Variants in DCDC1 observed in about 807,000 individuals in gnomAD.
The protein encoded by DCDC1 is doublecortin domain containing 1.
In DCDC1, 200 loss-of-function variants were observed where a neutral mutation model predicts 178.3. The observed-to-expected ratio is 1.12, with a 90% CI of 1.00 to 1.26. The LOEUF (loss-of-function observed/expected upper bound fraction) is 1.26. Ranked by LOEUF, DCDC1 falls within the 50% of genes most tolerant of loss-of-function variation. The probability of loss-of-function intolerance (pLI) is 0.00; values close to 1 mark genes in which losing one functional copy is unlikely to be tolerated. For synonymous variants in DCDC1, 690 were observed against 604.8 expected (o/e 1.14, Z -2.07); for missense variants, 1,983 against 1,749.2 (o/e 1.13, Z -2.38).
intron 5 of DCDC1, 72 bp from the exon 6 acceptor site, chr11:31,305,849 G>A: frequency 1.3e-6 from 2 of 1,516,414 alleles, no homozygotes; most frequent in South Asian, 1.3e-5. Context: ...CAAAACAAAA[G>A]GTTCTAATGA....
intron 8 of DCDC1, among the ~76,000 whole-genome samples, chr11:31,252,545 T>C (rs1367697435): frequency 6.6e-6 from 1 of 151,880 alleles, no homozygotes; most frequent in Non-Finnish European, 1.5e-5. Context: ...AAAGAGAGGG[T>C]AGGGCTGTTT....
At chr11:31,215,860 CTT>C (rs1275643538) in intron 9 of DCDC1, among the ~76,000 whole-genome samples, 1 of 151,492 alleles carries the variant, frequency 6.6e-6, no homozygotes, top group Non-Finnish European at 1.5e-5. Context: ...AAAAGAAGCT[CTT>C]GAGTGGCCTT....
intron 9 of DCDC1, among the ~76,000 whole-genome samples, chr11:31,189,109 C>T (rs1006758081): frequency 1.3e-5 from 2 of 152,068 alleles, no homozygotes; most frequent in Non-Finnish European, 2.9e-5. Flanking sequence ...AATAAATTTT[C>T]GTTGTTTATA....
chr11:31,146,741 G>A (rs992277263), intron 9 of DCDC1, among the ~76,000 whole-genome samples: 15 of 152,082 alleles, frequency 9.9e-5, no homozygotes, highest in African/African-American at 1.9e-4. Context: ...TCCTTCTAAC[G>A]TCCGGCTGAA....
intron 20 of DCDC1, among the ~76,000 whole-genome samples, chr11:31,012,039 G>A (rs1434669921): frequency 6.6e-6 from 1 of 152,064 alleles, no homozygotes; most frequent in African/African-American, 2.4e-5. Context: ...GTTTAAAAGT[G>A]TGTAGCACCT....
intron 34 of DCDC1, among the ~76,000 whole-genome samples, chr11:30,895,027 G>A (rs996081076): frequency 1.3e-5 from 2 of 152,120 alleles, no homozygotes; most frequent in African/African-American, 4.8e-5. Flanking sequence ...CTTACCACTA[G>A]ACCACTTAAA....
intron 1 of DCDC1, among the ~76,000 whole-genome samples, chr11:31,360,515 T>C (rs1951652511): frequency 6.6e-6 from 1 of 152,158 alleles, no homozygotes; most frequent in South Asian, 2.1e-4. Context: ...TTAGCCACAG[T>C]AAGAGATTAA....
chr11:31,110,622 G>T (rs1165580225), intron 11 of DCDC1, among the ~76,000 whole-genome samples: 1 of 151,808 alleles, frequency 6.6e-6, no homozygotes, highest in Non-Finnish European at 1.5e-5. Flanking sequence ...AATTTGACTG[G>T]CATACCCTAC....
chr11:31,036,310 GTTC>G (rs1228620451), intron 20 of DCDC1, among the ~76,000 whole-genome samples: 1 of 152,076 alleles, frequency 6.6e-6, no homozygotes, highest in Non-Finnish European at 1.5e-5. Context: ...TTCTGTGCAT[GTTC>G]TTAAATTTAT....
chr11:31,004,119 GT>G (rs981251190), intron 20 of DCDC1, among the ~76,000 whole-genome samples: 3 of 151,966 alleles, frequency 2.0e-5, no homozygotes, highest in Admixed American at 1.3e-4. Context: ...GAATAAAAAT[GT>G]TTTTTCCCAA....
chr11:31,146,952 G>A (rs1009869219), intron 9 of DCDC1, among the ~76,000 whole-genome samples: 3 of 152,154 alleles, frequency 2.0e-5, no homozygotes, highest in Non-Finnish European at 4.4e-5. Flanking sequence ...CCATCGTGTC[G>A]AGGTGGCTGT....
At chr11:30,867,503 C>T (rs530424365) in intron 38 of DCDC1, among the ~76,000 whole-genome samples, 2 of 152,274 alleles carry the variant, frequency 1.3e-5, no homozygotes, top group Admixed American at 6.5e-5. Flanking sequence ...AATGTTAGTG[C>T]CCTTCTCTTC....
At chr11:31,362,100 C>T (rs1341189401) in intron 1 of DCDC1, among the ~76,000 whole-genome samples, 1 of 152,028 alleles carries the variant, frequency 6.6e-6, no homozygotes, top group Non-Finnish European at 1.5e-5. Flanking sequence ...TTTCTCTATA[C>T]TGAAATTTCT....
At chr11:31,142,860 C>T (rs1027709659) in intron 9 of DCDC1, among the ~76,000 whole-genome samples, 1 of 151,846 alleles carries the variant, frequency 6.6e-6, no homozygotes, top group African/African-American at 2.4e-5. Context: ...CTTTTAGCCT[C>T]TAAAATTTTT....
chr11:31,158,426 C>T (rs1965966162), intron 9 of DCDC1, among the ~76,000 whole-genome samples: 1 of 152,012 alleles, frequency 6.6e-6, no homozygotes, highest in Admixed American at 6.6e-5. Context: ...CAAGCCAATA[C>T]ATTGTTTTTG....
chr11:31,224,078 T>C (rs1043119823), intron 9 of DCDC1, among the ~76,000 whole-genome samples: 6 of 152,074 alleles, frequency 3.9e-5, no homozygotes, highest in Non-Finnish European at 7.4e-5. Context: ...TCATTGTCTC[T>C]TGCTGCCACC....
At chr11:31,028,411 C>T (rs1236469464) in intron 20 of DCDC1, among the ~76,000 whole-genome samples, 1 of 151,918 alleles carries the variant, frequency 6.6e-6, no homozygotes, top group Non-Finnish European at 1.5e-5. Context: ...TACAGTTCTT[C>T]TCACTATGCA....
chr11:31,164,292 G>GA lies in DCDC1; in HGVS notation c.1222-26509dup, dbSNP rs1323115113. 4.6e-5 allele frequency among the ~76,000 whole-genome samples: 7 copies of GA among 151,994 alleles called. No individual in the cohort carries two copies. In the South Asian group the frequency reaches 1.0e-3, roughly 23 times the overall value. ...AGTGACACTGTAGCAAATCTATGAT[G>GA]AAAAAAAAGAAACGAACCAAGCAAA... is the stretch of plus-strand genomic sequence containing the variant. On this transcript the variant is annotated intron_variant, in intron 9 of 38. Coordinates refer to ENST00000684477, the MANE Select transcript of DCDC1 (RefSeq NM_001387274.1).
At chr11:30,913,909 T>C (rs1486443755) in intron 27 of DCDC1, among the ~76,000 whole-genome samples, 2 of 152,210 alleles carry the variant, frequency 1.3e-5, no homozygotes, top group Non-Finnish European at 2.9e-5. Flanking sequence ...CATGCTCAAA[T>C]TGCAATTTAG....
Sources: allele counts gnomAD v4.1 joint callset (sites outside exome capture counted in the v4.1 genomes callset), GRCh38; gene constraint gnomAD v4.1.1; transcripts MANE v1.5; gene names NCBI Gene and HGNC (gene_info 2026-07-23, HGNC 2026-07-21).